The following ADAM18 variants were observed in gnomAD, a reference collection of about 807,000 sequenced individuals.
ADAM18 encodes ADAM metallopeptidase domain 18.
In ADAM18, 117 loss-of-function variants were observed where a neutral mutation model predicts 94.4. That is an observed-to-expected ratio of 1.24 (90% CI 1.07 to 1.45). ADAM18 has a LOEUF of 1.45. ADAM18 is among the 40% of genes most tolerant of loss of function. ADAM18 has a pLI of 0.00. For missense variants in ADAM18, 936 were observed against 880.0 expected, an observed-to-expected ratio of 1.06 and a Z score of -0.81; for synonymous variants, 327 against 291.6, an observed-to-expected ratio of 1.12 and a Z score of -1.24.
At position 39,647,136 on chromosome 8, in the gene ADAM18, G is replaced by A. The variant is rs148615277; in HGVS notation, c.1047-1208G>A. 6.0e-3 allele frequency among the ~76,000 whole-genome samples: 910 copies of A among 151,498 alleles called. 5 individuals carry two copies. Among genetic ancestry groups the A allele is most frequent in the African/African-American group, 0.021 (860 of 41,268 alleles). On this transcript the variant is annotated intron_variant, in intron 11 of 19. Transcript: ENST00000265707. ...TATACCAAGGACCTGCACCGGCACC[G>A]GTCTCTGAGTTCCCTCTGTTTTTAT...
chr8:39,647,689 G>A (rs941729087), intron 11 of ADAM18, among the ~76,000 whole-genome samples: 1 of 152,086 alleles, frequency 6.6e-6, no homozygotes, highest in East Asian at 1.9e-4. Flanking sequence ...GTGGCTTTCC[G>A]CAGTGCATTG....
intron 2 of ADAM18, among the ~76,000 whole-genome samples, chr8:39,594,287 G>A (rs1021606863): frequency 6.6e-6 from 1 of 152,006 alleles, no homozygotes; most frequent in Non-Finnish European, 1.5e-5. Context: ...ATTATAAATG[G>A]GCTAAAGTAA....
At chr8:39,669,274 TG>T (rs1263012954) in intron 14 of ADAM18, among the ~76,000 whole-genome samples, 6 of 151,366 alleles carry the variant, frequency 4.0e-5, no homozygotes, top group East Asian at 1.9e-4. Context: ...AGTTCTTTTT[TG>T]TTTTTTTTAA....
chr8:39,638,590 T>G, intron 10 of ADAM18, 44 bp downstream of exon 10: 7 of 1,188,096 alleles, frequency 5.9e-6, no homozygotes, highest in Non-Finnish European at 8.2e-6. Context: ...TTTTAGGCCT[T>G]ATATTATATT....
chr8:39,631,010 CTA>C (rs958707266), intron 7 of ADAM18, among the ~76,000 whole-genome samples: 1 of 151,868 alleles, frequency 6.6e-6, no homozygotes, highest in African/African-American at 2.4e-5. Context: ...CCATTGTTTA[CTA>C]TTTGGATTTT....
At chr8:39,727,827 A>G (rs1181465022) in intron 19 of ADAM18, among the ~76,000 whole-genome samples, 3 of 152,104 alleles carry the variant, frequency 2.0e-5, no homozygotes, top group Non-Finnish European at 4.4e-5. Flanking sequence ...CTTTATGGCA[A>G]TGCCCCACTG....
chr8:39,696,017 T>C (rs190036788), intron 17 of ADAM18, among the ~76,000 whole-genome samples: 89 of 151,560 alleles, frequency 5.9e-4, no homozygotes, highest in Non-Finnish European at 9.6e-4. Context: ...TCATCAACAA[T>C]GCAAGCACAG....
chr8:39,601,956 A>C (rs1306820741), intron 2 of ADAM18, among the ~76,000 whole-genome samples: 1 of 152,236 alleles, frequency 6.6e-6, no homozygotes, highest in Non-Finnish European at 1.5e-5. Flanking sequence ...TTCAGTTAGT[A>C]TAGTGTCCTC....
At chr8:39,711,932 G>A (rs1822415052) in intron 18 of ADAM18, among the ~76,000 whole-genome samples, 1 of 148,992 alleles carries the variant, frequency 6.7e-6, no homozygotes, top group Non-Finnish European at 1.5e-5. Flanking sequence ...CTGCAAACAG[G>A]ACAAATTCAG....
intron 18 of ADAM18, among the ~76,000 whole-genome samples, chr8:39,709,587 T>G (rs1266681830): frequency 1.3e-5 from 2 of 152,224 alleles, no homozygotes; most frequent in Non-Finnish European, 2.9e-5. Context: ...CATAGGCTAC[T>G]TATTGATTCA....
chr8:39,669,621 G>A (rs1025776796), intron 14 of ADAM18, among the ~76,000 whole-genome samples: 29 of 151,342 alleles, frequency 1.9e-4, no homozygotes, highest in African/African-American at 6.1e-4. Flanking sequence ...AGTTTCATCC[G>A]TGTCCCTACA....
intron 14 of ADAM18, among the ~76,000 whole-genome samples, chr8:39,671,276 T>C (rs1821148411): frequency 6.6e-6 from 1 of 152,224 alleles, no homozygotes; most frequent in Admixed American, 6.5e-5. Context: ...TGGGATAGTA[T>C]ACTTGTAAGA....
intron 7 of ADAM18, among the ~76,000 whole-genome samples, chr8:39,636,130 T>C (rs541282703): frequency 2.9e-4 from 44 of 151,978 alleles, no homozygotes; most frequent in Non-Finnish European, 3.4e-4. Flanking sequence ...CCAATTCTTC[T>C]GCCTCATCCT....
intron 1 of ADAM18, 79 bp from the exon 2 acceptor site, chr8:39,585,197 C>A: frequency 8.7e-7 from 1 of 1,149,784 alleles, no homozygotes; most frequent in Non-Finnish European, 1.3e-6. Flanking sequence ...CCATGCAGTC[C>A]GGGATAAGAA....
At chr8:39,618,674 C>A (rs567712276) in intron 6 of ADAM18, among the ~76,000 whole-genome samples, 115 of 152,262 alleles carry the variant, frequency 7.6e-4, no homozygotes, top group African/African-American at 2.7e-3. Flanking sequence ...CCTAGAAGAG[C>A]CGTGGCAAGA....
At position 39,708,318 on chromosome 8, in the gene ADAM18, T is replaced by C. The variant is rs1243356268; in HGVS notation, c.2017+1414T>C. Among the ~76,000 whole-genome samples the C allele has an allele frequency of 2.6e-5, 4 of 152,322 alleles. No individual in the cohort carries two copies. In the East Asian group the frequency reaches 7.7e-4, roughly 29 times the overall value. ...TTAACTCAAATAAGTTAGAACACAG[T>C]ACTAATAAGTTTCAACAAATGTCAT... is the stretch of plus-strand genomic sequence containing the variant. On this transcript the variant is annotated intron_variant, in intron 18 of 19. Coordinates refer to ENST00000265707, the MANE Select transcript of ADAM18 (RefSeq NM_014237.3).
intron 5 of ADAM18, 71 bp from the exon 6 acceptor site, chr8:39,610,458 C>T (rs1819237586): frequency 1.4e-6 from 2 of 1,447,740 alleles, no homozygotes; most frequent in Non-Finnish European, 9.2e-7. Flanking sequence ...TATGCCATTT[C>T]AGATTATCAT....
intron 16 of ADAM18, among the ~76,000 whole-genome samples, chr8:39,680,851 C>CACTT (rs34429530): frequency 0.032 from 4,851 of 152,236 alleles, 276 homozygotes; most frequent in African/African-American, 0.11. Flanking sequence ...TAGAGTGTTG[C>CACTT]ACTTAAATGT....
At chr8:39,723,528 C>T (rs906973675) in intron 18 of ADAM18, among the ~76,000 whole-genome samples, 1 of 151,514 alleles carries the variant, frequency 6.6e-6, no homozygotes, top group African/African-American at 2.4e-5. Context: ...GCACTCTAAA[C>T]ATGTATACAG....
Sources: allele counts gnomAD v4.1 joint callset (sites outside exome capture counted in the v4.1 genomes callset), GRCh38; gene constraint gnomAD v4.1.1; transcripts MANE v1.5; gene names NCBI Gene and HGNC (gene_info 2026-07-23, HGNC 2026-07-21).